SARNP: variants seen among roughly 807,000 people sequenced by gnomAD.
SARNP encodes the protein SAP domain containing ribonucleoprotein.
Under a neutral mutation model 38.1 loss-of-function variants are expected in SARNP, and 5 were observed. The observed-to-expected ratio is 0.13, with a 90% confidence interval of 0.07 to 0.28. The LOEUF is 0.28. Ranked by LOEUF, SARNP falls within the 10% of genes least tolerant of loss-of-function variation. The pLI, the probability that SARNP is intolerant of heterozygous loss-of-function variation, is 1.00. For synonymous variants in SARNP, 84 were observed against 80.6 expected (o/e 1.04, Z -0.23); for missense variants, 180 against 243.9 (o/e 0.74, Z 1.75).
At chr12:55,800,809 G>C in intron 3 of SARNP, 45 bp downstream of exon 3, 3 of 1,515,832 alleles carry the variant, frequency 2.0e-6, no homozygotes, top group Non-Finnish European at 2.8e-6. Flanking sequence ...TGTGGCCAAA[G>C]CAGTGGCACA....
chr12:55,774,187 G>A (rs181402970), intron 9 of SARNP, among the ~76,000 whole-genome samples: 30 of 151,890 alleles, frequency 2.0e-4, no homozygotes, highest in Non-Finnish European at 4.0e-4. Flanking sequence ...TTTTCTTGTA[G>A]AGACAAGGTC....
chr12:55,792,461 T>C (rs1879699810), intron 7 of SARNP: 2 of 151,130 alleles, frequency 1.3e-5, no homozygotes, highest in African/African-American at 2.4e-5. Context: ...AAGCTCCGCT[T>C]CCCACGTTCA....
intron 9 of SARNP, among the ~76,000 whole-genome samples, chr12:55,769,921 G>A (rs1229795353): frequency 6.6e-6 from 1 of 152,192 alleles, no homozygotes; most frequent in Non-Finnish European, 1.5e-5. Flanking sequence ...ATGCACTTTT[G>A]ACTTAAGACG....
At chr12:55,777,844 T>C (rs192523930) in intron 9 of SARNP, among the ~76,000 whole-genome samples, 2 of 152,358 alleles carry the variant, frequency 1.3e-5, no homozygotes, top group Admixed American at 1.3e-4. Flanking sequence ...TGGTTGAATT[T>C]AGAATACATT....
At chr12:55,810,409 G>A (rs1406979745) in intron 1 of SARNP, among the ~76,000 whole-genome samples, 2 of 150,880 alleles carry the variant, frequency 1.3e-5, no homozygotes, top group Non-Finnish European at 2.9e-5. Context: ...GAGCCACTGT[G>A]CCCAGCTTGC....
At chr12:55,791,048 T>A (rs1224951894) in intron 7 of SARNP, among the ~76,000 whole-genome samples, 1 of 152,216 alleles carries the variant, frequency 6.6e-6, no homozygotes, top group African/African-American at 2.4e-5. Flanking sequence ...ACAACATTAA[T>A]GAACCTTGAA....
intron 1 of SARNP, among the ~76,000 whole-genome samples, chr12:55,811,948 A>C (rs1210659119): frequency 1.3e-5 from 2 of 152,226 alleles, no homozygotes; most frequent in Non-Finnish European, 2.9e-5. Context: ...AAAATTCTTC[A>C]GCCCTTGCCT....
intron 1 of SARNP, among the ~76,000 whole-genome samples, chr12:55,816,188 T>C (rs1229431264): frequency 1.3e-5 from 2 of 152,206 alleles, no homozygotes; most frequent in African/African-American, 2.4e-5. Flanking sequence ...GGTGACTTAC[T>C]CCAGGGATTT....
In SARNP at chr12:55,757,543, C is replaced by G. The variant is rs1005107937; in HGVS notation, c.602G>C (p.Arg201Thr). ...GTTEDTEAKK[R>T]KRAERFGIA Reference sequence around the variant, plus strand: ...AATCCCAAAGCGCTCTGCTCTTTTCCTCTTCTTTGCCTGTAAAGAAGAAGC... The same window carrying G: ...AATCCCAAAGCGCTCTGCTCTTTTCGTCTTCTTTGCCTGTAAAGAAGAAGC... The change falls in exon 11 of 11, where the codon AGG becomes ACG. Residue 201 changes from arginine (R) to threonine (T), a missense_variant. This residue lies in a region of SARNP where 19 missense variants were observed against 49.8 expected (regional missense o/e 0.38). Transcript: ENST00000336133. 10 of 1,609,440 alleles carry G rather than the reference C, an allele frequency of 6.2e-6. No homozygotes were observed. The highest frequency in any genetic ancestry group is 8.5e-6 in the Non-Finnish European group (10 of 1,178,768).
At chr12:55,804,637 T>C (rs916363668) in intron 1 of SARNP, among the ~76,000 whole-genome samples, 2 of 152,122 alleles carry the variant, frequency 1.3e-5, no homozygotes, top group African/African-American at 2.4e-5. Context: ...CTATAAGTCA[T>C]AGGTAACTGA....
At chr12:55,801,905 C>T (rs1246399222) in intron 2 of SARNP, among the ~76,000 whole-genome samples, 2 of 152,120 alleles carry the variant, frequency 1.3e-5, no homozygotes, top group Admixed American at 1.3e-4. Flanking sequence ...GCATGAACCA[C>T]CCCGCACAGC....
chr12:55,764,832 C>CAAA (rs1162009254), intron 9 of SARNP, among the ~76,000 whole-genome samples: 18 of 61,936 alleles, frequency 2.9e-4, no homozygotes, highest in South Asian at 6.3e-4. Flanking sequence ...CTCTGTCTCA[C>CAAA]AAAAAAAAAA....
chr12:55,772,038 CCA>C (rs1879023257), intron 9 of SARNP, among the ~76,000 whole-genome samples: 1 of 152,138 alleles, frequency 6.6e-6, no homozygotes, highest in Non-Finnish European at 1.5e-5. Context: ...CTCCCCTGCC[CCA>C]GTTTCTGAAA....
In SARNP at chr12:55,817,613, T is replaced by C. The variant is rs1880536513; in HGVS notation, c.36+53A>G. ...GTAGGAGAAGGCGCAAGCTACCCTG[T>C]AGAATTCAGTTCCTAGAAAAGTCCA... On this transcript the variant is annotated intron_variant, in intron 1 of 10. Coordinates refer to ENST00000336133, the MANE Select transcript of SARNP (RefSeq NM_033082.4). 21 of 1,558,994 alleles carry C rather than the reference T, an allele frequency of 1.3e-5. No homozygotes were observed. The South Asian group carries it at 1.7e-4, about 13-fold the overall frequency.
At chr12:55,802,960 T>C (rs1212486864) in intron 2 of SARNP, among the ~76,000 whole-genome samples, 1 of 130,120 alleles carries the variant, frequency 7.7e-6, no homozygotes, top group Non-Finnish European at 1.7e-5. Flanking sequence ...GTGAAAAAAA[T>C]GAGAAATAAA....
intron 9 of SARNP, among the ~76,000 whole-genome samples, chr12:55,764,804 C>T (rs1592555661): frequency 6.8e-6 from 1 of 146,446 alleles, no homozygotes; most frequent in African/African-American, 2.6e-5. Context: ...TGCACTCCAG[C>T]CTGGCAACAG....
At position 55,803,694 on chromosome 12, in the gene SARNP, C is replaced by A. The variant is rs1480995203; in HGVS notation, c.71G>T (p.Gly24Val). The A allele has an allele frequency of 6.2e-7, 1 of 1,613,236 alleles. No individual in the cohort carries two copies. The highest frequency in any genetic ancestry group is 2.2e-5 in the East Asian group (1 of 44,870). Residue 24 changes from glycine to valine, a missense_variant, in exon 2 of 11, where the codon GGT becomes GTT. Gly to Val is a moderately radical substitution (Grantham distance 109, BLOSUM62 -3). This residue lies in a region of SARNP where 161 missense variants were observed against 194.1 expected (regional missense o/e 0.83). Coordinates refer to ENST00000336133, the MANE Select transcript of SARNP (RefSeq NM_033082.4). ...TTGCTTTATTCCCTTGGTCTCCAAACCACGAGCAAGACATTCTTGCTTTAG... is the reference window on the plus strand; with the variant it reads ...TTGCTTTATTCCCTTGGTCTCCAAAACACGAGCAAGACATTCTTGCTTTAG... The part of the protein sequence containing the change: ...AELKQECLAR[G>V]LETKGIKQDL...
intron 9 of SARNP, among the ~76,000 whole-genome samples, chr12:55,772,405 C>T (rs1274829860): frequency 1.3e-5 from 2 of 152,134 alleles, no homozygotes; most frequent in Non-Finnish European, 1.5e-5. Context: ...AGAACACAGT[C>T]AGCTCAGAAC....
At chr12:55,779,399 G>A (rs1259447065) in intron 9 of SARNP, among the ~76,000 whole-genome samples, 2 of 152,182 alleles carry the variant, frequency 1.3e-5, no homozygotes, top group African/African-American at 2.4e-5. Context: ...GAGAAATGGA[G>A]AATTAAATTT....
Sources: allele counts gnomAD v4.1 joint callset (sites outside exome capture counted in the v4.1 genomes callset), GRCh38; gene constraint gnomAD v4.1.1; regional missense constraint gnomAD v4.1.1; transcripts MANE v1.5; gene names NCBI Gene and HGNC (gene_info 2026-07-23, HGNC 2026-07-21).